Variants in EEFSEC observed in about 807,000 individuals in gnomAD.
The protein encoded by EEFSEC is eukaryotic elongation factor, selenocysteine-tRNA specific, also known as selenocysteine-specific elongation factor.
A neutral mutation model predicts 42.1 loss-of-function variants in EEFSEC; 43 were observed. The ratio of observed to expected loss-of-function variants is 1.02; its 90% CI spans 0.80 to 1.32. The LOEUF is 1.32. EEFSEC is among the 40% of genes most tolerant of loss of function. The pLI, the probability that EEFSEC is intolerant of heterozygous loss-of-function variation, is 0.00. For missense variants in EEFSEC, 745 were observed against 803.6 expected (o/e 0.93, Z 0.88); for synonymous variants, 354 against 339.1 (o/e 1.04, Z -0.48).
At chr3:128,215,925 G>A (rs2065806464) in intron 1 of EEFSEC, among the ~76,000 whole-genome samples, 1 of 152,050 alleles carries the variant, frequency 6.6e-6, no homozygotes, top group African/African-American at 2.4e-5. Context: ...TAGGTCCCAC[G>A]CCTATCCCTG....
At chr3:128,382,578 C>G (rs1446861559) in intron 6 of EEFSEC, among the ~76,000 whole-genome samples, 1 of 152,126 alleles carries the variant, frequency 6.6e-6, no homozygotes, top group Non-Finnish European at 1.5e-5. Context: ...GACTTGCCAC[C>G]CTTCCAGATA....
At chr3:128,277,654 G>T (rs2066482811) in intron 4 of EEFSEC, among the ~76,000 whole-genome samples, 1 of 152,224 alleles carries the variant, frequency 6.6e-6, no homozygotes, top group Non-Finnish European at 1.5e-5. Flanking sequence ...ATCCATTGTG[G>T]ATGTGTAGAT....
intron 1 of EEFSEC, among the ~76,000 whole-genome samples, chr3:128,157,577 G>A (rs905857043): frequency 6.6e-6 from 1 of 152,198 alleles, no homozygotes; most frequent in Non-Finnish European, 1.5e-5. Context: ...GGGCCCTTAA[G>A]AATTATGCTA....
At chr3:128,170,623 C>T (rs2065286768) in intron 1 of EEFSEC, among the ~76,000 whole-genome samples, 1 of 152,164 alleles carries the variant, frequency 6.6e-6, no homozygotes, top group African/African-American at 2.4e-5. Context: ...GAAAGAAGGG[C>T]ATGTTGCCAA....
rs1282709033 is a variant in EEFSEC, at chr3:128,317,861, G to A, written c.787-23372G>A. Among the ~76,000 whole-genome samples, 2 of 152,230 alleles carry A rather than the reference G, an allele frequency of 1.3e-5. No individual in the cohort carries two copies. Among genetic ancestry groups the A allele is most frequent in the Non-Finnish European group, 2.9e-5 (2 of 68,048 alleles). On this transcript the variant is annotated intron_variant, in intron 4 of 6. Coordinates refer to ENST00000254730, the MANE Select transcript of EEFSEC (RefSeq NM_021937.5). The surrounding 1 kb of genome is among the most constrained non-coding windows in gnomAD (Gnocchi z 4.1). ...GCACAGATGTCCCCTCCTCTCTGAG[G>A]TTTCCTCCCAGTTCCCTGCCAGGTG...
chr3:128,202,976 A>G (rs1324106312), intron 1 of EEFSEC, among the ~76,000 whole-genome samples: 1 of 152,190 alleles, frequency 6.6e-6, no homozygotes, highest in Non-Finnish European at 1.5e-5. Context: ...TTTGAATATT[A>G]AACATAAAAA....
chr3:128,239,665 C>T (rs1319800633), intron 1 of EEFSEC, among the ~76,000 whole-genome samples: 1 of 152,230 alleles, frequency 6.6e-6, no homozygotes, highest in African/African-American at 2.4e-5. Context: ...GGGCTGTCTC[C>T]TCTACAGGAA....
intron 1 of EEFSEC, among the ~76,000 whole-genome samples, chr3:128,188,552 T>C (rs1047498414): frequency 1.3e-5 from 2 of 152,232 alleles, no homozygotes; most frequent in Admixed American, 6.5e-5. Context: ...GGTGAAAGTA[T>C]CTGCCTTGCA....
intron 1 of EEFSEC, among the ~76,000 whole-genome samples, chr3:128,190,579 A>G (rs1276444570): frequency 3.3e-5 from 5 of 152,316 alleles, no homozygotes; most frequent in African/African-American, 1.2e-4. Context: ...GTTATAGTGA[A>G]CTAAGATTAA....
the EEFSEC span, among the ~76,000 whole-genome samples, chr3:128,424,003 AGCT>A: frequency 6.6e-6 from 1 of 152,082 alleles, no homozygotes; most frequent in East Asian, 1.9e-4. Flanking sequence ...TGTGACCTGG[AGCT>A]GCGGGAGACA....
Position 128,167,698 on chromosome 3 carries a change from G to A in EEFSEC, c.316+13875G>A, listed in dbSNP as rs535761431. Reference sequence around the variant, plus strand: ...TCACCGCACACAGTGAGGGCCCAGCGGCCCTGTTGTTTTAGAGAAGCAGTT... The same window carrying A: ...TCACCGCACACAGTGAGGGCCCAGCAGCCCTGTTGTTTTAGAGAAGCAGTT... On this transcript the variant is annotated intron_variant, in intron 1 of 6. Coordinates refer to ENST00000254730, the MANE Select transcript of EEFSEC (RefSeq NM_021937.5). Among the ~76,000 whole-genome samples the A allele has an allele frequency of 5.1e-4, 78 of 152,336 alleles. 1 individual carries two copies. The Middle Eastern group carries it at 0.017, about 33-fold the overall frequency.
At chr3:128,343,085 A>T (rs2067273751) in intron 5 of EEFSEC, among the ~76,000 whole-genome samples, 1 of 152,176 alleles carries the variant, frequency 6.6e-6, no homozygotes, top group Non-Finnish European at 1.5e-5. Context: ...GTCTGCCCTG[A>T]GGCTTTCAAC....
chr3:128,268,097 AG>A (rs1391196615), intron 4 of EEFSEC, among the ~76,000 whole-genome samples: 5 of 152,282 alleles, frequency 3.3e-5, no homozygotes. Context: ...CTAGGGGAGT[AG>A]CCACAGAGGT....
Position 128,268,865 on chromosome 3 carries a change from ATT to A in EEFSEC, c.786+4087_786+4088del, listed in dbSNP as rs1576594221. 2.0e-5 allele frequency among the ~76,000 whole-genome samples: 3 copies of A among 152,208 alleles called. No individual in the cohort carries two copies. The East Asian group carries it at 5.8e-4, about 29-fold the overall frequency. On this transcript the variant is annotated intron_variant, in intron 4 of 6. Coordinates refer to ENST00000254730, the MANE Select transcript of EEFSEC (RefSeq NM_021937.5). The stretch of plus-strand genomic sequence containing the variant: ...GCTCCAGAACTGTGAGAGAAGAAAT[ATT>A]TTGTTGTTTTAAGATATCAAATTTG...
intron 5 of EEFSEC, among the ~76,000 whole-genome samples, chr3:128,354,986 A>G (rs2107584200): frequency 6.6e-6 from 1 of 152,202 alleles, no homozygotes; most frequent in East Asian, 1.9e-4. Context: ...GGAGGAAACT[A>G]GCCCGGGCTG....
intron 4 of EEFSEC, among the ~76,000 whole-genome samples, chr3:128,320,071 C>T (rs906097637): frequency 1.3e-5 from 2 of 152,250 alleles, no homozygotes; most frequent in African/African-American, 4.8e-5. Flanking sequence ...AGTCAGCGCA[C>T]TGCAGCCTGC....
At chr3:128,371,995 T>C (rs545944697) in intron 6 of EEFSEC, among the ~76,000 whole-genome samples, 5 of 152,344 alleles carry the variant, frequency 3.3e-5, no homozygotes, top group African/African-American at 1.2e-4. Context: ...TTACTGGCCC[T>C]TACACAGTGA....
intron 4 of EEFSEC, among the ~76,000 whole-genome samples, chr3:128,300,860 T>C (rs1382218268): frequency 6.6e-6 from 1 of 152,214 alleles, no homozygotes; most frequent in South Asian, 2.1e-4. Flanking sequence ...CATAAATAGA[T>C]ACTTAGTGTT....
At chr3:128,381,934 G>A (rs1348529974) in intron 6 of EEFSEC, among the ~76,000 whole-genome samples, 5 of 152,150 alleles carry the variant, frequency 3.3e-5, no homozygotes, top group African/African-American at 1.2e-4. Context: ...GGGAGCAGGG[G>A]GAAGAACAGT....
Sources: allele counts gnomAD v4.1 joint callset (sites outside exome capture counted in the v4.1 genomes callset), GRCh38; gene constraint gnomAD v4.1.1; non-coding constraint Gnocchi (gnomAD v3.1); transcripts MANE v1.5; gene names NCBI Gene and HGNC (gene_info 2026-07-23, HGNC 2026-07-21).